Variants in GAB1 observed in about 807,000 individuals in gnomAD.
GAB1 encodes the protein GRB2-associated-binding protein 1.
Under a neutral mutation model 66.5 loss-of-function variants are expected in GAB1, and 19 were observed. The observed-to-expected ratio is 0.29, with a 90% CI of 0.20 to 0.42. The LOEUF is 0.42. Among genes scored for constraint, GAB1 ranks in the 10% least tolerant of loss-of-function variants. The pLI is 1.00. For synonymous variants in GAB1, 294 were observed against 301.4 expected (o/e 0.98, Z 0.25); for missense variants, 732 against 858.5 (o/e 0.85, Z 1.84).
chr4:143,400,359 T>C (rs1338501151), intron 1 of GAB1, among the ~76,000 whole-genome samples: 1 of 152,120 alleles, frequency 6.6e-6, no homozygotes, highest in African/African-American at 2.4e-5. Context: ...TCCTAAGCCA[T>C]TTGGTGAAAA....
chr4:143,419,529 A>G (rs1413967515), intron 2 of GAB1, among the ~76,000 whole-genome samples: 1 of 152,160 alleles, frequency 6.6e-6, no homozygotes, highest in Non-Finnish European at 1.5e-5. Context: ...TTGTAAGAAA[A>G]TTCACAGTAT....
chr4:143,387,355 T>C (rs1260742086), intron 1 of GAB1, among the ~76,000 whole-genome samples: 1 of 152,162 alleles, frequency 6.6e-6, no homozygotes, highest in Non-Finnish European at 1.5e-5. Context: ...GGTCTCAAAC[T>C]CCCAACCTCA....
At chr4:143,437,493 G>C (rs1352429001) in intron 3 of GAB1, among the ~76,000 whole-genome samples, 1 of 152,160 alleles carries the variant, frequency 6.6e-6, no homozygotes, top group African/African-American at 2.4e-5. Context: ...TTACCTTCTT[G>C]TAAGTCACAT....
rs199564225 is a variant in GAB1 at position 143,435,087 on chromosome 4, A to AT, written c.593+1380dup. Among the ~76,000 whole-genome samples the AT allele has an allele frequency of 2.0e-3, 297 of 151,584 alleles. 1 individual carries two copies. Among genetic ancestry groups the AT allele is most frequent in the African/African-American group, 6.0e-3 (248 of 41,382 alleles). ...ATAATTAAGCATTATTTTATGACAG[A>AT]TTTTTTTTTAATGTGGAAAATGATT... is the stretch of plus-strand genomic sequence containing the variant. On this transcript the variant is annotated intron_variant, in intron 3 of 9. Transcript: ENST00000262994.
At chr4:143,439,999 T>C in intron 5 of GAB1, 80 bp from the exon 6 acceptor site, 2 of 1,416,328 alleles carry the variant, frequency 1.4e-6, no homozygotes, top group Non-Finnish European at 2.0e-6. Context: ...GAGATCCATA[T>C]GAATGAGTGT....
At chr4:143,444,174 C>T (rs1445309013) in intron 6 of GAB1, among the ~76,000 whole-genome samples, 1 of 152,048 alleles carries the variant, frequency 6.6e-6, no homozygotes, top group East Asian at 1.9e-4. Flanking sequence ...GTTATAGCTT[C>T]TCTTTATGTC....
chr4:143,434,441 A>G (rs1315177830), intron 3 of GAB1, among the ~76,000 whole-genome samples: 1 of 151,266 alleles, frequency 6.6e-6, no homozygotes, highest in East Asian at 1.9e-4. Flanking sequence ...TGTAACCCCA[A>G]ACTCCTGGGC....
intron 6 of GAB1, among the ~76,000 whole-genome samples, chr4:143,442,238 A>G (rs1243487177): frequency 6.6e-6 from 1 of 152,084 alleles, no homozygotes; most frequent in Non-Finnish European, 1.5e-5. Flanking sequence ...TGCTTTCCTT[A>G]TTTTCCAGTA....
chr4:143,446,549 G>C (rs1013947448), intron 6 of GAB1, among the ~76,000 whole-genome samples: 2 of 152,102 alleles, frequency 1.3e-5, no homozygotes, highest in African/African-American at 4.8e-5. Context: ...GGCCAGTGAT[G>C]ATGAGCATTT....
intron 1 of GAB1, among the ~76,000 whole-genome samples, chr4:143,387,919 T>G: frequency 6.6e-6 from 1 of 152,162 alleles, no homozygotes; most frequent in East Asian, 1.9e-4. Flanking sequence ...CGCTGTACTT[T>G]GCCACCACCA....
chr4:143,375,574 G>T lies in GAB1; in HGVS notation c.72+38314G>T, dbSNP rs74878602. ...AAAGAGGGAGATAAGGGAAGAAAGG[G>T]GGCTGTGAATAAACGCTGTTGCTTT... On this transcript the variant is annotated intron_variant, in intron 1 of 9. Transcript: ENST00000262994. 5.7e-4 allele frequency among the ~76,000 whole-genome samples: 87 copies of T among 152,250 alleles called. 1 individual carries two copies. In the East Asian group the frequency reaches 0.015, roughly 27 times the overall value.
intron 6 of GAB1, among the ~76,000 whole-genome samples, chr4:143,448,327 C>T (rs1447387326): frequency 6.6e-6 from 1 of 151,886 alleles, no homozygotes. Context: ...GGGAGGATTC[C>T]CTCTTTTTCT....
intron 3 of GAB1, among the ~76,000 whole-genome samples, chr4:143,436,752 T>C (rs912567048): frequency 6.6e-6 from 1 of 152,202 alleles, no homozygotes; most frequent in Admixed American, 6.5e-5. Context: ...AATGGATTTC[T>C]ATTTGAGGCC....
chr4:143,424,971 A>AAT, intron 2 of GAB1: 1 of 623,282 alleles, frequency 1.6e-6, no homozygotes, highest in Non-Finnish European at 2.8e-6. Flanking sequence ...AGAAAAAAAA[A>AAT]GGCCTTTCTG....
intron 2 of GAB1, chr4:143,417,330 C>G: frequency 3.1e-6 from 1 of 324,052 alleles, no homozygotes; most frequent in Non-Finnish European, 6.0e-6. Flanking sequence ...GGGTGCCTAT[C>G]CTGGAAAGAG....
At chr4:143,440,445 C>A in intron 6 of GAB1, 63 bp downstream of exon 6, 2 of 1,393,498 alleles carry the variant, frequency 1.4e-6, no homozygotes, top group Non-Finnish European at 1.9e-6. Context: ...TCTTTAACTG[C>A]CATTAAATCC....
intron 2 of GAB1, among the ~76,000 whole-genome samples, chr4:143,421,630 T>C (rs189839679): frequency 2.6e-5 from 4 of 152,080 alleles, no homozygotes; most frequent in Non-Finnish European, 1.5e-5. Context: ...TGCATTTTCC[T>C]GAGAACCAAT....
rs1403030625 is a variant in GAB1 at position 143,474,464 on chromosome 4, G to A, written c.*5275G>A. On this transcript the variant is annotated 3_prime_UTR_variant, in exon 10 of 10. Transcript: ENST00000262994. ...AACTTGGTGAGGCTATGGCGCCCAT[G>A]TGTTTGGTCAAACACTAGCCTAGAT... 1 of 152,214 alleles carries A rather than the reference G, an allele frequency of 6.6e-6. No individual in the cohort carries two copies. The highest frequency in any genetic ancestry group is 2.4e-5 in the African/African-American group (1 of 41,460). 9.4% of individuals were successfully genotyped at this position (152,214 alleles called of 1,614,324 possible).
intron 1 of GAB1, among the ~76,000 whole-genome samples, chr4:143,394,145 G>A (rs891524077): frequency 1.3e-5 from 2 of 152,120 alleles, no homozygotes; most frequent in Admixed American, 6.5e-5. Context: ...ATGGTGGCAC[G>A]TGCCTGTAGT....
Sources: allele counts gnomAD v4.1 joint callset (sites outside exome capture counted in the v4.1 genomes callset), GRCh38; gene constraint gnomAD v4.1.1; transcripts MANE v1.5; gene names NCBI Gene and HGNC (gene_info 2026-07-23, HGNC 2026-07-21).